The following USP4 variants were observed in gnomAD, a reference collection of about 807,000 sequenced individuals.
USP4 encodes the protein ubiquitin specific peptidase 4, also known as ubiquitin carboxyl-terminal hydrolase 4.
In USP4, 72 loss-of-function variants were observed where a neutral mutation model predicts 118.2. The observed-to-expected ratio is 0.61, with a 90% CI of 0.50 to 0.74. The LOEUF (loss-of-function observed/expected upper bound fraction) is 0.74. Ranked by LOEUF, USP4 falls within the 30% of genes least tolerant of loss-of-function variation. The probability of loss-of-function intolerance (pLI) is 0.00; values close to 1 mark genes in which losing one functional copy is unlikely to be tolerated. For synonymous variants in USP4, 415 were observed against 440.4 expected (o/e 0.94, Z 0.72); for missense variants, 1,037 against 1,185.7 (o/e 0.87, Z 1.84).
At chr3:49,326,335 A>T (rs986649402) in intron 3 of USP4, among the ~76,000 whole-genome samples, 13 of 151,708 alleles carry the variant, frequency 8.6e-5, no homozygotes, top group South Asian at 2.1e-4. Context: ...AAATATATAT[A>T]TATTTTTTTT....
intron 2 of USP4, among the ~76,000 whole-genome samples, chr3:49,328,913 C>A (rs1028200536): frequency 6.6e-6 from 1 of 151,786 alleles, no homozygotes; most frequent in Admixed American, 6.6e-5. Flanking sequence ...GGCGCAGTGG[C>A]TCACACCTGT....
intron 20 of USP4, 55 bp from the exon 21 acceptor site, chr3:49,278,957 A>T (rs1188525827): frequency 4.7e-6 from 6 of 1,273,932 alleles, no homozygotes; most frequent in Non-Finnish European, 6.7e-6. Context: ...TAATCTGGCT[A>T]GCTTATTAGG....
At chr3:49,312,481 A>T (rs1012397245) in intron 6 of USP4, 8 of 453,862 alleles carry the variant, frequency 1.8e-5, no homozygotes, top group African/African-American at 1.6e-4. Context: ...TCTCAAAAAA[A>T]AAAAAATTAG....
chr3:49,309,943 C>CTTTTTTTTTTTTTCTTTTTTTTTT (rs2047366279), intron 8 of USP4, among the ~76,000 whole-genome samples: 1 of 40,236 alleles, frequency 2.5e-5, no homozygotes, highest in Non-Finnish European at 4.0e-5. Context: ...TTTTTTTAAT[C>CTTTTTTTTTTTTTCTTTTTTTTTT]TTTTTTTTTT....
chr3:49,301,821 A>G (rs2047265964), intron 10 of USP4, among the ~76,000 whole-genome samples: 1 of 152,210 alleles, frequency 6.6e-6, no homozygotes, highest in South Asian at 2.1e-4. Flanking sequence ...GTGATAGGGT[A>G]GCTGAAATAC....
chr3:49,322,861 A>G (rs979922967), intron 6 of USP4, among the ~76,000 whole-genome samples: 6 of 145,118 alleles, frequency 4.1e-5, no homozygotes, highest in African/African-American at 1.0e-4. Context: ...CGTCACAGGG[A>G]AAAAAAAAAA....
intron 10 of USP4, among the ~76,000 whole-genome samples, chr3:49,301,376 A>G (rs756785499): frequency 5.3e-5 from 8 of 152,070 alleles, no homozygotes; most frequent in Non-Finnish European, 8.8e-5. Context: ...GCCCCCCTAT[A>G]TGTTTCCAGT....
rs1023217339 is a variant in USP4 at position 49,306,265 on chromosome 3, C to T, written c.955-377G>A. On this transcript the variant is annotated intron_variant, in intron 8 of 21. Coordinates refer to ENST00000265560, the MANE Select transcript of USP4 (RefSeq NM_003363.4). ...TTGTCCAGGCTGGAGTGCAATGGTG[C>T]GATCTTGGCTCACTGCATCCTCTGT... Among the ~76,000 whole-genome samples, 6 of 145,752 alleles carry T rather than the reference C, an allele frequency of 4.1e-5. No individual in the cohort carries two copies. The South Asian group carries it at 6.4e-4, about 16-fold the overall frequency.
intron 2 of USP4, among the ~76,000 whole-genome samples, chr3:49,329,014 C>T (rs192402216): frequency 6.6e-6 from 1 of 151,452 alleles, no homozygotes; most frequent in East Asian, 2.0e-4. Flanking sequence ...CCCGTCTCTA[C>T]TACAAACACA....
chr3:49,309,966 T>TTTTTTTTTTTG (rs55835824), intron 8 of USP4, among the ~76,000 whole-genome samples: 1 of 122,698 alleles, frequency 8.2e-6, no homozygotes, highest in Non-Finnish European at 1.7e-5. Flanking sequence ...TTTTTTTTTT[T>TTTTTTTTTTTG]GAGACAGAGT....
chr3:49,306,384 G>A lies in USP4; in HGVS notation c.955-496C>T, dbSNP rs188888779. 1.2e-4 allele frequency among the ~76,000 whole-genome samples: 18 copies of A among 151,908 alleles called. No individual in the cohort carries two copies. In the East Asian group the frequency reaches 2.5e-3, roughly 21 times the overall value. Reference sequence around the variant, plus strand: ...CACCCAGCTAATTTTTGTATTTTCAGTAGAGATGGGGTTTCACCATGTTGG... The same window carrying A: ...CACCCAGCTAATTTTTGTATTTTCAATAGAGATGGGGTTTCACCATGTTGG... On this transcript the variant is annotated intron_variant, in intron 8 of 21. Coordinates refer to ENST00000265560, the MANE Select transcript of USP4 (RefSeq NM_003363.4).
intron 4 of USP4, 83 bp from the exon 5 acceptor site, chr3:49,325,122 T>C: frequency 1.3e-6 from 2 of 1,531,010 alleles, no homozygotes; most frequent in Non-Finnish European, 1.8e-6. Flanking sequence ...GCTCATCCTC[T>C]TTCTTGTCAG....
chr3:49,294,617 A>T lies in USP4; in HGVS notation c.1692-19T>A. On this transcript the variant is annotated intron_variant, in intron 13 of 21. Transcript: ENST00000265560. ...CTCGTACCTGCGTCAATCACACAAG[A>T]GGGCACTTTTAGCAGTAGGTCCTTG... The T allele has an allele frequency of 6.2e-7, 1 of 1,608,218 alleles. No homozygotes were observed. The highest frequency in any genetic ancestry group is 1.1e-5 in the South Asian group (1 of 90,396).
chr3:49,333,867 A>C (rs1297661162), intron 2 of USP4, among the ~76,000 whole-genome samples: 2 of 152,046 alleles, frequency 1.3e-5, no homozygotes, highest in Non-Finnish European at 2.9e-5. Flanking sequence ...TAAAAATACA[A>C]AATTAGCCGG....
chr3:49,284,603 T>G lies in USP4; in HGVS notation c.2272-19A>C. 3 of 1,604,672 alleles carry G rather than the reference T, an allele frequency of 1.9e-6. No individual in the cohort carries two copies. The highest frequency in any genetic ancestry group is 2.6e-6 in the Non-Finnish European group (3 of 1,171,928). On this transcript the variant is annotated intron_variant, in intron 17 of 21. Coordinates refer to ENST00000265560, the MANE Select transcript of USP4 (RefSeq NM_003363.4). Reference sequence around the variant, plus strand: ...CGTAGGCCTATGGGAATCAAAGCACTCAGTTCTGCTGGAGAAAGAGATCTT... The same window carrying G: ...CGTAGGCCTATGGGAATCAAAGCACGCAGTTCTGCTGGAGAAAGAGATCTT...
chr3:49,300,468 T>C lies in USP4; in HGVS notation c.1511A>G (p.Gln504Arg). Residue 504 changes from glutamine (Q) to arginine (R), a missense_variant and splice_region_variant, in exon 11 of 22, where the codon CAG becomes CGG. Gln to Arg is a conservative substitution (Grantham distance 43). Transcript: ENST00000265560. ...VPADPHCRPT[Q>R]YRVTVPLMGA... Reference sequence around the variant, plus strand: ...CCATAAGGGTGTGGATTCTGTCACCTGAGTAGGTCTGCAGTGAGGGTCAGC... The same window carrying C: ...CCATAAGGGTGTGGATTCTGTCACCCGAGTAGGTCTGCAGTGAGGGTCAGC... The C allele has an allele frequency of 1.2e-6, 2 of 1,613,928 alleles. No homozygotes were observed. The highest frequency in any genetic ancestry group is 1.7e-6 in the Non-Finnish European group (2 of 1,179,852).
intron 6 of USP4, among the ~76,000 whole-genome samples, chr3:49,319,530 A>G (rs764375772): frequency 1.4e-4 from 22 of 151,904 alleles, no homozygotes; most frequent in Non-Finnish European, 2.5e-4. Flanking sequence ...GATTACAGGC[A>G]TAAGCCACTA....
chr3:49,300,596 G>A lies in USP4; in HGVS notation c.1383C>T (p.Cys461=), dbSNP rs1225350809. ...TCACAGAAACCTTAGCACATTCTGG[G>A]CAAACCAAAGTAGATTTGAAGAGGC... The part of the protein sequence containing the change: ...FHGLFKSTLV[C]PECAKVSVTF... Residue 461 remains cysteine, a synonymous_variant, in exon 11 of 22, where the codon TGC becomes TGT. Transcript: ENST00000265560. 1 of 1,614,230 alleles carries A rather than the reference G, an allele frequency of 6.2e-7. No homozygotes were observed.
intron 6 of USP4, among the ~76,000 whole-genome samples, chr3:49,313,318 G>A (rs1330259980): frequency 1.3e-5 from 2 of 152,066 alleles, no homozygotes; most frequent in African/African-American, 4.8e-5. Context: ...CTTGAGGTCA[G>A]GAGTTCGAGT....
Sources: gnomAD v4.1 joint callset for allele counts (sites outside exome capture counted in the v4.1 genomes callset) on GRCh38, gnomAD v4.1.1 for gene constraint, MANE v1.5 for transcripts, NCBI Gene and HGNC (gene_info 2026-07-23, HGNC 2026-07-21) for gene names.